IFT88: variants seen among roughly 807,000 people sequenced by gnomAD.
IFT88 encodes intraflagellar transport 88.
Under a neutral mutation model 119.5 loss-of-function variants are expected in IFT88, and 74 were observed. That is an observed-to-expected ratio of 0.62 (90% CI 0.51 to 0.75). The LOEUF (loss-of-function observed/expected upper bound fraction) is 0.75. Ranked by LOEUF, IFT88 falls within the 30% of genes least tolerant of loss-of-function variation. IFT88 has a pLI of 0.00. For missense variants in IFT88, 961 were observed against 977.7 expected, an observed-to-expected ratio of 0.98 and a Z score of 0.23; for synonymous variants, 279 against 316.7, an observed-to-expected ratio of 0.88 and a Z score of 1.26.
chr13:20,680,308 G>T (rs776824293), intron 24 of IFT88, among the ~76,000 whole-genome samples: 4 of 152,134 alleles, frequency 2.6e-5, no homozygotes, highest in Non-Finnish European at 5.9e-5. Context: ...ATCCCAACAA[G>T]ATATTCATAA....
intron 15 of IFT88, among the ~76,000 whole-genome samples, chr13:20,626,637 C>T (rs925539865): frequency 3.9e-5 from 6 of 152,136 alleles, no homozygotes; most frequent in African/African-American, 1.4e-4. Flanking sequence ...GGTTTTAGAA[C>T]CCCGCAGATC....
At chr13:20,631,608 G>A (rs183686191) in intron 16 of IFT88, 1 of 152,640 alleles carries the variant, frequency 6.6e-6, no homozygotes, top group East Asian at 1.9e-4. Flanking sequence ...AACAATAAAC[G>A]AATGCAGATA....
Position 20,625,749 on chromosome 13 carries a change from G to T in IFT88, c.1200-1G>T. On this transcript the variant is annotated splice_acceptor_variant, in intron 14 of 25. Transcript: ENST00000351808. LOFTEE classifies it high-confidence loss of function. ...AAGGTTTTTTATGCTTTCCCTTATA[G>T]GTGCGTGGAAGTGGTGAAAGCTTCT... The T allele has an allele frequency of 1.3e-6, 2 of 1,585,074 alleles. No individual in the cohort carries two copies. The highest frequency in any genetic ancestry group is 2.3e-5 in the East Asian group (1 of 43,928).
chr13:20,583,726 C>T (rs977974934), intron 3 of IFT88, among the ~76,000 whole-genome samples: 1 of 152,022 alleles, frequency 6.6e-6, no homozygotes, highest in Non-Finnish European at 1.5e-5. Context: ...AAGCTTTTCC[C>T]CTATGTTTTC....
chr13:20,594,396 A>G (rs575591195), intron 7 of IFT88, among the ~76,000 whole-genome samples: 2 of 152,342 alleles, frequency 1.3e-5, no homozygotes, highest in African/African-American at 4.8e-5. Context: ...TGTGGAATGC[A>G]TCAAATGCTC....
intron 2 of IFT88, 57 bp from the exon 3 acceptor site, chr13:20,582,900 A>AT: frequency 7.2e-7 from 1 of 1,388,526 alleles, no homozygotes; most frequent in East Asian, 2.3e-5. Context: ...GTTTAAACTT[A>AT]TTTTTTCCCC....
chr13:20,593,604 T>C (rs74038937), intron 7 of IFT88, among the ~76,000 whole-genome samples: 6,509 of 152,182 alleles, frequency 0.043, 183 homozygotes, highest in Middle Eastern at 0.075. Flanking sequence ...ATAATTTCCA[T>C]TTTTGACTAG....
In IFT88 at chr13:20,638,343, T is replaced by C. The variant is rs752567355; in HGVS notation, c.1398T>C (p.Phe466=). Reference sequence around the variant, plus strand: ...TGTATTTTACTTAGGGAAAGGATTTTGCACAAGCCAGCAGCTATGCAGATA... The same window carrying C: ...TGTATTTTACTTAGGGAAAGGATTTCGCACAAGCCAGCAGCTATGCAGATA... The part of the protein sequence containing the change: ...LSALYYMGKD[F]AQASSYADIA... The change falls in exon 17 of 26, where the codon TTT becomes TTC. Residue 466 remains phenylalanine, a synonymous_variant. Coordinates refer to ENST00000351808, the MANE Select transcript of IFT88 (RefSeq NM_006531.5). 3 of 1,349,682 alleles carry C rather than the reference T, an allele frequency of 2.2e-6. No homozygotes were observed. The South Asian group carries it at 7.5e-5, about 34-fold the overall frequency. The allele number at this position is 1,349,682 out of a possible 1,614,324, so 83.6% of individuals were successfully genotyped here.
At chr13:20,621,752 A>C (rs1333013014) in intron 14 of IFT88, among the ~76,000 whole-genome samples, 1 of 152,112 alleles carries the variant, frequency 6.6e-6, no homozygotes, top group Non-Finnish European at 1.5e-5. Flanking sequence ...TAGTATTACC[A>C]TGTGAAGTCC....
At chr13:20,645,892 A>G (rs2050673462) in intron 20 of IFT88, among the ~76,000 whole-genome samples, 1 of 152,198 alleles carries the variant, frequency 6.6e-6, no homozygotes, top group African/African-American at 2.4e-5. Context: ...ATTTCACATA[A>G]ATTTCTTTTG....
At chr13:20,577,794 G>C (rs1208682094) in intron 2 of IFT88, among the ~76,000 whole-genome samples, 1 of 152,088 alleles carries the variant, frequency 6.6e-6, no homozygotes, top group Non-Finnish European at 1.5e-5. Flanking sequence ...ATGTTCATCA[G>C]GGATGTTGGT....
chr13:20,574,355 T>C, intron 1 of IFT88, 25 bp from the exon 2 acceptor site: 1 of 1,394,476 alleles, frequency 7.2e-7, no homozygotes, highest in African/African-American at 1.4e-5. Flanking sequence ...ACCAAGAACA[T>C]ATTTACACTG....
At chr13:20,613,094 G>A (rs141335373) in intron 13 of IFT88, among the ~76,000 whole-genome samples, 101 of 152,190 alleles carry the variant, frequency 6.6e-4, no homozygotes, top group African/African-American at 1.7e-3. Flanking sequence ...TAAATTGGAC[G>A]TTATCAAAAT....
chr13:20,666,596 T>C (rs546451973), intron 23 of IFT88, among the ~76,000 whole-genome samples: 1 of 152,346 alleles, frequency 6.6e-6, no homozygotes, highest in South Asian at 2.1e-4. Flanking sequence ...TTTTCTCTCT[T>C]CCAGCATTTA....
Position 20,592,342 on chromosome 13 carries a change from A to T in IFT88, c.336A>T (p.Ala112=). 1 of 1,610,104 alleles carries T rather than the reference A, an allele frequency of 6.2e-7. No homozygotes were observed. Among genetic ancestry groups the T allele is most frequent in the Non-Finnish European group, 8.5e-7 (1 of 1,178,652 alleles). The change falls in exon 7 of 26, where the codon GCA becomes GCT. Residue 112 remains alanine, a synonymous_variant. Transcript: ENST00000351808. ...TCTTGAATTGTGTCTCAGGCTCTGC[A>T]TTTGACCCCCTTAGTCAGTCAAGGG... ...GFTKAALRGS[A]FDPLSQSRGP...
intron 14 of IFT88, among the ~76,000 whole-genome samples, chr13:20,620,837 A>G (rs2046363044): frequency 6.6e-6 from 1 of 152,164 alleles, no homozygotes; most frequent in South Asian, 2.1e-4. Context: ...CTGGTAGGAC[A>G]CTTTTTGAAT....
intron 14 of IFT88, among the ~76,000 whole-genome samples, chr13:20,625,210 G>C (rs1450651913): frequency 6.6e-6 from 1 of 152,142 alleles, no homozygotes; most frequent in Non-Finnish European, 1.5e-5. Context: ...TGTGATCTCA[G>C]ATCTTCCATT....
At position 20,596,729 on chromosome 13, in the gene IFT88, CATATAA is replaced by C. The variant is rs1468086879; in HGVS notation, c.490-279_490-274del. Among the ~76,000 whole-genome samples, 23 of 152,266 alleles carry C rather than the reference CATATAA, an allele frequency of 1.5e-4. No individual in the cohort carries two copies. The Middle Eastern group carries it at 0.014, about 90-fold the overall frequency. On this transcript the variant is annotated intron_variant, in intron 8 of 25. Coordinates refer to ENST00000351808, the MANE Select transcript of IFT88 (RefSeq NM_006531.5). ...GTTCATGTTACTTTGATTGTCATAT[CATATAA>C]ATATAATTTCTGTGAGTTATTGGAT...
chr13:20,663,521 T>C lies in IFT88; in HGVS notation c.2092T>C (p.Cys698Arg). 3.1e-6 allele frequency: 5 copies of C among 1,613,956 alleles called. No individual in the cohort carries two copies. Among genetic ancestry groups the C allele is most frequent in the Non-Finnish European group, 4.2e-6 (5 of 1,179,942 alleles). Residue 698 changes from cysteine to arginine, a missense_variant, in exon 23 of 26, where the codon TGC becomes CGC. Transcript: ENST00000351808. ...VECLRFLVRL[C>R]TDLGLKDAQE... ...AGGTCTGCGTTTCTTAGTTCGTCTC[T>C]GCACAGATCTTGGATTAAAAGATGC...
Sources: gnomAD v4.1 joint callset for allele counts (sites outside exome capture counted in the v4.1 genomes callset) on GRCh38, gnomAD v4.1.1 for gene constraint, MANE v1.5 for transcripts, NCBI Gene and HGNC (gene_info 2026-07-23, HGNC 2026-07-21) for gene names.